The following ASIC2 variants were observed in gnomAD, a reference collection of about 807,000 sequenced individuals.
ASIC2 encodes the protein acid sensing ion channel subunit 2.
A neutral mutation model predicts 57.3 loss-of-function variants in ASIC2; 25 were observed. The observed-to-expected ratio is 0.44, with a 90% CI of 0.32 to 0.61. The LOEUF is 0.61. Among genes scored for constraint, ASIC2 ranks in the 20% least tolerant of loss-of-function variants. The pLI, the probability that ASIC2 is intolerant of heterozygous loss-of-function variation, is 0.06. For missense variants in ASIC2, 641 were observed against 738.1 expected (o/e 0.87, Z 1.52); for synonymous variants, 319 against 307.5 (o/e 1.04, Z -0.39).
At chr17:34,074,782 CTTT>C (rs35010578) in intron 1 of ASIC2, among the ~76,000 whole-genome samples, 19 of 113,924 alleles carry the variant, frequency 1.7e-4, no homozygotes, top group African/African-American at 6.0e-4. Context: ...TTCTTTCTTT[CTTT>C]TTTTTTTTTT....
intron 1 of ASIC2, among the ~76,000 whole-genome samples, chr17:33,211,950 C>G (rs750162413): frequency 6.6e-6 from 1 of 152,000 alleles, no homozygotes; most frequent in Non-Finnish European, 1.5e-5. Context: ...TGGATCCTAT[C>G]GATCCTCACT....
In ASIC2 at chr17:33,862,722, C is replaced by T. The variant is rs115209315; in HGVS notation, c.555+293256G>A. 7.4e-3 allele frequency among the ~76,000 whole-genome samples: 1,133 copies of T among 152,260 alleles called. 10 individuals carry two copies. The highest frequency in any genetic ancestry group is 0.026 in the African/African-American group (1,081 of 41,544). The stretch of plus-strand genomic sequence containing the variant: ...AAAGATGTTCCTTGAGTTTCCCTCC[C>T]CATGCACCCATACACACCTCTTCTT... On this transcript the variant is annotated intron_variant, in intron 1 of 9. Transcript: ENST00000359872.
chr17:34,001,569 T>C (rs1489412062), intron 1 of ASIC2: 1 of 152,526 alleles, frequency 6.6e-6, no homozygotes, highest in Admixed American at 6.5e-5. Context: ...GAAGCCTGAG[T>C]CCCTGGGAGT....
chr17:33,610,388 C>T (rs1260089156), intron 1 of ASIC2, among the ~76,000 whole-genome samples: 1 of 152,136 alleles, frequency 6.6e-6, no homozygotes, highest in East Asian at 1.9e-4. Flanking sequence ...AACTCCTGAC[C>T]TCAAATGGTC....
At chr17:33,463,264 G>A (rs967689479) in intron 1 of ASIC2, among the ~76,000 whole-genome samples, 1 of 152,130 alleles carries the variant, frequency 6.6e-6, no homozygotes, top group African/African-American at 2.4e-5. Context: ...CTGTCTTTCT[G>A]CATTGGTTCT....
chr17:33,790,700 A>G (rs1911744389), intron 1 of ASIC2, among the ~76,000 whole-genome samples: 1 of 152,126 alleles, frequency 6.6e-6, no homozygotes, highest in Admixed American at 6.5e-5. Context: ...ACACACACAC[A>G]TCTCAGATAT....
At chr17:33,252,199 C>G (rs1908908615) in intron 1 of ASIC2, among the ~76,000 whole-genome samples, 1 of 152,208 alleles carries the variant, frequency 6.6e-6, no homozygotes, top group African/African-American at 2.4e-5. Flanking sequence ...GAACTCATTT[C>G]ATTTTCAAAC....
chr17:33,320,984 C>T (rs1030287203), intron 1 of ASIC2, among the ~76,000 whole-genome samples: 6 of 152,180 alleles, frequency 3.9e-5, no homozygotes, highest in Non-Finnish European at 8.8e-5. Context: ...CATGGAAGGT[C>T]ACCTCATCAC....
intron 1 of ASIC2, among the ~76,000 whole-genome samples, chr17:33,375,016 T>A (rs552581960): frequency 6.6e-6 from 1 of 152,332 alleles, no homozygotes; most frequent in Non-Finnish European, 1.5e-5. Context: ...CAAGAATCTA[T>A]TTTTTAAAGA....
At chr17:33,906,633 G>T (rs927259388) in intron 1 of ASIC2, among the ~76,000 whole-genome samples, 1 of 152,156 alleles carries the variant, frequency 6.6e-6, no homozygotes, top group African/African-American at 2.4e-5. Flanking sequence ...TTAACAAAAC[G>T]ATACATCACC....
chr17:33,864,358 A>G (rs1288662407), intron 1 of ASIC2, among the ~76,000 whole-genome samples: 1 of 152,184 alleles, frequency 6.6e-6, no homozygotes, highest in East Asian at 1.9e-4. Flanking sequence ...ATATAGAACA[A>G]ATCATGAAAG....
At chr17:33,941,410 A>G (rs989550939) in intron 1 of ASIC2, among the ~76,000 whole-genome samples, 1 of 152,228 alleles carries the variant, frequency 6.6e-6, no homozygotes, top group African/African-American at 2.4e-5. Flanking sequence ...CTGCACTACC[A>G]GGGGCTTCCC....
chr17:33,748,992 C>A (rs1910349212), intron 1 of ASIC2, among the ~76,000 whole-genome samples: 1 of 152,176 alleles, frequency 6.6e-6, no homozygotes, highest in Non-Finnish European at 1.5e-5. Flanking sequence ...GCTCAGGGGG[C>A]CCTCGGCACA....
chr17:33,400,252 C>T (rs17184908), intron 1 of ASIC2, among the ~76,000 whole-genome samples: 4,536 of 152,300 alleles, frequency 0.03, 107 homozygotes, highest in Non-Finnish European at 0.043. Context: ...GTGCCAGACT[C>T]CATGCTCCAC....
chr17:33,952,188 G>A (rs1904599256), intron 1 of ASIC2, among the ~76,000 whole-genome samples: 1 of 152,198 alleles, frequency 6.6e-6, no homozygotes, highest in Non-Finnish European at 1.5e-5. Flanking sequence ...TGAACAATGA[G>A]TGAAGAGAAG....
chr17:33,086,524 T>C (rs1361735636), intron 3 of ASIC2, among the ~76,000 whole-genome samples: 1 of 152,170 alleles, frequency 6.6e-6, no homozygotes, highest in Non-Finnish European at 1.5e-5. Context: ...GGTTTACTCA[T>C]ACAACAGAAG....
Position 33,304,697 on chromosome 17 carries a change from C to T in ASIC2, c.556-192630G>A, listed in dbSNP as rs140853119. Among the ~76,000 whole-genome samples, 16 of 152,292 alleles carry T rather than the reference C, an allele frequency of 1.1e-4. No individual in the cohort carries two copies. The East Asian group carries it at 3.1e-3, about 29-fold the overall frequency. On this transcript the variant is annotated intron_variant, in intron 1 of 9. Transcript: ENST00000359872. ...CGCCTTAGTCTCAATCCATTTTAAA[C>T]ACAAAACCCAGCAATGAGTCACATG... is the stretch of plus-strand genomic sequence containing the variant.
At chr17:33,782,546 G>A (rs528364980) in intron 1 of ASIC2, among the ~76,000 whole-genome samples, 1 of 152,186 alleles carries the variant, frequency 6.6e-6, no homozygotes, top group South Asian at 2.1e-4. Context: ...GGCCAACATA[G>A]CGAAACCTTG....
chr17:33,315,339 A>C (rs1906601969), intron 1 of ASIC2, among the ~76,000 whole-genome samples: 1 of 152,240 alleles, frequency 6.6e-6, no homozygotes, highest in African/African-American at 2.4e-5. Context: ...TATGGCTATT[A>C]TTCTGAGATT....
Sources: allele counts gnomAD v4.1 joint callset (sites outside exome capture counted in the v4.1 genomes callset), GRCh38; gene constraint gnomAD v4.1.1; transcripts MANE v1.5; gene names NCBI Gene and HGNC (gene_info 2026-07-23, HGNC 2026-07-21).